The following PTGFRN variants were observed in gnomAD, a reference collection of about 807,000 sequenced individuals.
PTGFRN encodes prostaglandin F2 receptor negative regulator.
In PTGFRN, 35 loss-of-function variants were observed where a neutral mutation model predicts 83.2. The ratio of observed to expected loss-of-function variants is 0.42; its 90% CI spans 0.32 to 0.56. The LOEUF (loss-of-function observed/expected upper bound fraction) is 0.56. Among genes scored for constraint, PTGFRN ranks in the 20% least tolerant of loss-of-function variants. The probability of loss-of-function intolerance (pLI) is 0.11; values close to 1 mark genes in which losing one functional copy is unlikely to be tolerated. For synonymous variants in PTGFRN, 519 were observed against 498.6 expected, an observed-to-expected ratio of 1.04 and a Z score of -0.55; for missense variants, 1,051 against 1,179.5, an observed-to-expected ratio of 0.89 and a Z score of 1.60.
chr1:116,984,253 C>G (rs1557751713), intron 7 of PTGFRN, among the ~76,000 whole-genome samples: 1 of 152,084 alleles, frequency 6.6e-6, no homozygotes, highest in Admixed American at 6.5e-5. Context: ...TCTGCCTAAA[C>G]TGTCAAAGGA....
Position 116,987,711 on chromosome 1 carries a change from A to G in PTGFRN, c.*744A>G, listed in dbSNP as rs1430839426. The G allele has an allele frequency of 6.6e-6, 1 of 152,618 alleles. No homozygotes were observed. The highest frequency in any genetic ancestry group is 2.4e-5 in the African/African-American group (1 of 41,414). The allele number at this position is 152,618 out of a possible 1,614,324, so 9.5% of individuals were successfully genotyped here. On this transcript the variant is annotated 3_prime_UTR_variant, in exon 9 of 9. Transcript: ENST00000393203. ...ACCTTATCTTGCCACCTTAGCCTTAAGAATGAATATGAAGAAAAATACACA... is the reference window on the plus strand; with the variant it reads ...ACCTTATCTTGCCACCTTAGCCTTAGGAATGAATATGAAGAAAAATACACA...
chr1:116,974,448 G>A, intron 7 of PTGFRN, 125 bp downstream of exon 7: 1 of 711,234 alleles, frequency 1.4e-6, no homozygotes, highest in Non-Finnish European at 2.4e-6. Flanking sequence ...TAACTGCCTG[G>A]CCCAGTACTT....
chr1:116,937,732 A>G (rs537681982), intron 1 of PTGFRN, among the ~76,000 whole-genome samples: 1 of 152,306 alleles, frequency 6.6e-6, no homozygotes, highest in Non-Finnish European at 1.5e-5. Context: ...AGGGATAGGA[A>G]TGGAAAAGAT....
At chr1:116,922,416 A>C (rs565991626) in intron 1 of PTGFRN, among the ~76,000 whole-genome samples, 3 of 152,200 alleles carry the variant, frequency 2.0e-5, no homozygotes, top group Non-Finnish European at 4.4e-5. Context: ...CATGTGATCT[A>C]TTCATCGGAG....
rs766894064 is a variant in PTGFRN at position 116,986,816 on chromosome 1, A to G, written c.2489A>G (p.Lys830Arg). 31 of 1,614,012 alleles carry G rather than the reference A, an allele frequency of 1.9e-5. No individual in the cohort carries two copies. The highest frequency in any genetic ancestry group is 9.9e-5 in the South Asian group (9 of 91,088). The change falls in exon 9 of 9, where the codon AAG (lysine) becomes AGG (arginine). Residue 830 changes from lysine to arginine, a missense_variant. Around this residue, in one of 3 missense-constraint regions of PTGFRN, gnomAD observed 719 missense variants for 836.6 expected, o/e 0.86. Transcript: ENST00000393203. ...TVKMDVLNAF[K>R]YPLLIGVGLS... ...TCCCTCCCAGTGCTGAACGCCTTCA[A>G]GTATCCCTTGCTGATCGGCGTCGGT...
chr1:116,928,667 T>C (rs1190896181), intron 1 of PTGFRN, among the ~76,000 whole-genome samples: 1 of 152,174 alleles, frequency 6.6e-6, no homozygotes, highest in Admixed American at 6.5e-5. Context: ...TTTGTGATGG[T>C]TTCCTATTAT....
intron 4 of PTGFRN, among the ~76,000 whole-genome samples, chr1:116,960,603 T>C (rs138971596): frequency 9.3e-4 from 141 of 152,264 alleles, no homozygotes; most frequent in African/African-American, 3.1e-3. Context: ...AGCGAGAATG[T>C]CTGTGGGAGA....
In PTGFRN at chr1:116,967,193, G is replaced by C; in HGVS notation, c.1922G>C (p.Arg641Pro). The C allele has an allele frequency of 6.2e-7, 1 of 1,614,140 alleles. No homozygotes were observed. The highest frequency in any genetic ancestry group is 8.5e-7 in the Non-Finnish European group (1 of 1,180,032). Residue 641 changes from arginine to proline, a missense_variant, in exon 6 of 9, where the codon CGA (arginine) becomes CCA (proline). Around this residue, in one of 3 missense-constraint regions of PTGFRN, gnomAD observed 719 missense variants for 836.6 expected, o/e 0.86. Transcript: ENST00000393203. ...EKVQEDEFRYRMYQTQVSDAG... is the reference protein window; with the variant it reads ...EKVQEDEFRYPMYQTQVSDAG... Reference sequence around the variant, plus strand: ...GTGCAGGAGGATGAGTTCCGCTATCGAATGTACCAGACTCAGGTCTCAGAC... The same window carrying C: ...GTGCAGGAGGATGAGTTCCGCTATCCAATGTACCAGACTCAGGTCTCAGAC...
At chr1:116,910,784 G>A (rs1649250682) in intron 1 of PTGFRN, among the ~76,000 whole-genome samples, 2 of 152,196 alleles carry the variant, frequency 1.3e-5, no homozygotes. Context: ...GTGGCCCGGA[G>A]CGTTACAATG....
At chr1:116,976,067 G>A (rs1464379597) in intron 7 of PTGFRN, among the ~76,000 whole-genome samples, 5 of 152,198 alleles carry the variant, frequency 3.3e-5, no homozygotes, top group Non-Finnish European at 7.3e-5. Flanking sequence ...TGAGAACTAC[G>A]TGACAAATGC....
At chr1:116,967,728 A>G (rs546227692) in intron 6 of PTGFRN, among the ~76,000 whole-genome samples, 2 of 152,310 alleles carry the variant, frequency 1.3e-5, no homozygotes, top group South Asian at 4.1e-4. Flanking sequence ...AATGTTTTCA[A>G]GGGTCATCCA....
rs932144090 is a variant in PTGFRN at position 116,941,228 on chromosome 1, C to G, written c.50-487C>G. Among the ~76,000 whole-genome samples, 8 of 152,166 alleles carry G rather than the reference C, an allele frequency of 5.3e-5. No individual in the cohort carries two copies. Among genetic ancestry groups the G allele is most frequent in the African/African-American group, 1.9e-4 (8 of 41,424 alleles). On this transcript the variant is annotated intron_variant, in intron 1 of 8. Transcript: ENST00000393203. This position sits in a 1 kb window ranked among gnomAD's most constrained non-coding sequence, Gnocchi z 5.0. ...AACAGGAGTTAAATCATTTTATCAG[C>G]AGGCTGCTCTAGGATTTAAAAATTG...
intron 7 of PTGFRN, among the ~76,000 whole-genome samples, chr1:116,976,215 G>A (rs1651151844): frequency 6.6e-6 from 1 of 152,126 alleles, no homozygotes. Context: ...AAGAAATATG[G>A]GACTATGTGA....
chr1:116,913,742 C>T (rs1649332618), intron 1 of PTGFRN, among the ~76,000 whole-genome samples: 1 of 152,168 alleles, frequency 6.6e-6, no homozygotes, highest in South Asian at 2.1e-4. Flanking sequence ...TGAATACTTA[C>T]ATATGTCATT....
At chr1:116,924,308 G>T (rs7366004) in intron 1 of PTGFRN, among the ~76,000 whole-genome samples, 1 of 110,138 alleles carries the variant, frequency 9.1e-6, no homozygotes, top group East Asian at 2.7e-4. Flanking sequence ...CACCACACCC[G>T]GCTAATTTTT....
intron 2 of PTGFRN, among the ~76,000 whole-genome samples, chr1:116,944,181 T>G (rs1650124568): frequency 6.6e-6 from 1 of 152,226 alleles, no homozygotes; most frequent in Admixed American, 6.5e-5. Flanking sequence ...GAAGGTCACC[T>G]TATCTGCAGA....
chr1:116,980,025 A>AAAC (rs1553181886), intron 7 of PTGFRN, among the ~76,000 whole-genome samples: 2,182 of 151,612 alleles, frequency 0.014, 54 homozygotes, highest in African/African-American at 0.05. Flanking sequence ...TTACAAGAAA[A>AAAC]AAACAACCCC....
chr1:116,940,609 G>A (rs1001011162), intron 1 of PTGFRN, among the ~76,000 whole-genome samples: 19 of 152,062 alleles, frequency 1.2e-4, no homozygotes, highest in Admixed American at 6.6e-5. Flanking sequence ...TTAATAAAAG[G>A]TTCCCATTTC....
chr1:116,949,253 C>T lies in PTGFRN; in HGVS notation c.894C>T (p.Thr298=), dbSNP rs1427506445. 1.2e-6 allele frequency: 2 copies of T among 1,613,872 alleles called. No homozygotes were observed. The highest frequency in any genetic ancestry group is 4.5e-5 in the East Asian group (2 of 44,886). ...SVAEGKELDL[T]CNITTDRADD... is the part of the protein sequence containing the mutation. ...CTGAAGGAAAGGAACTGGACCTGACCTGTAACATCACAACAGACCGAGCCG... is the reference window on the plus strand; with the variant it reads ...CTGAAGGAAAGGAACTGGACCTGACTTGTAACATCACAACAGACCGAGCCG... Residue 298 remains threonine, a synonymous_variant, in exon 4 of 9, where the codon ACC becomes ACT. Coordinates refer to ENST00000393203, the MANE Select transcript of PTGFRN (RefSeq NM_020440.4).
Sources: gnomAD v4.1 joint callset for allele counts (sites outside exome capture counted in the v4.1 genomes callset) on GRCh38, gnomAD v4.1.1 for gene constraint, gnomAD v4.1.1 regional missense constraint, Gnocchi (gnomAD v3.1) non-coding constraint, MANE v1.5 for transcripts, NCBI Gene and HGNC (gene_info 2026-07-23, HGNC 2026-07-21) for gene names.